The following SGCD variants were observed in gnomAD, a reference collection of about 807,000 sequenced individuals.
SGCD encodes sarcoglycan delta, also known as delta-sarcoglycan.
SGCD carries 18 observed loss-of-function variants against 36.6 expected under a neutral mutation model. The ratio of observed to expected loss-of-function variants is 0.49; its 90% CI spans 0.34 to 0.73. The LOEUF (loss-of-function observed/expected upper bound fraction) is 0.73, where lower values mean the gene tolerates loss of function less well. SGCD is among the 30% of genes least tolerant of loss of function. The probability of loss-of-function intolerance (pLI) is 0.01; values close to 1 mark genes in which losing one functional copy is unlikely to be tolerated. For synonymous variants in SGCD, 133 were observed against 130.6 expected, an observed-to-expected ratio of 1.02 and a Z score of -0.12; for missense variants, 387 against 346.7, an observed-to-expected ratio of 1.12 and a Z score of -0.92.
intron 4 of SGCD, among the ~76,000 whole-genome samples, chr5:156,544,667 A>G (rs1026585091): frequency 6.6e-6 from 1 of 152,062 alleles, no homozygotes; most frequent in Admixed American, 6.6e-5. Flanking sequence ...TCCCATAAAT[A>G]TGGGTATCGA....
chr5:156,383,911 T>C (rs1410340790), intron 3 of SGCD, among the ~76,000 whole-genome samples: 1 of 152,166 alleles, frequency 6.6e-6, no homozygotes, highest in Non-Finnish European at 1.5e-5. Flanking sequence ...CCAGAATCAT[T>C]TGAATATGGC....
chr5:155,831,514 T>A, the SGCD span, among the ~76,000 whole-genome samples: 2 of 152,244 alleles, frequency 1.3e-5, no homozygotes, highest in Non-Finnish European at 2.9e-5. Context: ...TGCTTTCCCT[T>A]TTCACTGAAA....
At chr5:155,730,444 G>GGTGTGTGTGTGTGTGT in the SGCD span, among the ~76,000 whole-genome samples, 1 of 23,678 alleles carries the variant, frequency 4.2e-5, no homozygotes, top group African/African-American at 1.5e-4. Flanking sequence ...AGGTAGAGCA[G>GGTGTGTGTGTGTGTGT]CTGTGTGTGT....
intron 1 of SGCD, among the ~76,000 whole-genome samples, chr5:155,938,056 A>C (rs1757245976): frequency 6.6e-6 from 1 of 152,240 alleles, no homozygotes; most frequent in Non-Finnish European, 1.5e-5. Flanking sequence ...GGTCACATAC[A>C]GACATGAACG....
At chr5:156,753,045 G>A (rs1053328057) in intron 7 of SGCD, among the ~76,000 whole-genome samples, 15 of 152,016 alleles carry the variant, frequency 9.9e-5, no homozygotes, top group African/African-American at 3.1e-4. Flanking sequence ...AGTGTGGCCC[G>A]CCGAAACAAG....
At chr5:155,992,898 G>C (rs1164021910) in intron 1 of SGCD, among the ~76,000 whole-genome samples, 1 of 152,098 alleles carries the variant, frequency 6.6e-6, no homozygotes, top group Non-Finnish European at 1.5e-5. Context: ...TCCTTCTATG[G>C]TTAGCAAACA....
chr5:155,944,318 G>A (rs904198177), intron 1 of SGCD, among the ~76,000 whole-genome samples: 2 of 152,164 alleles, frequency 1.3e-5, no homozygotes, highest in African/African-American at 4.8e-5. Context: ...GTATTACTTA[G>A]GCAAATCACA....
At chr5:156,404,161 A>G (rs1205973754) in intron 3 of SGCD, among the ~76,000 whole-genome samples, 1 of 152,088 alleles carries the variant, frequency 6.6e-6, no homozygotes, top group Non-Finnish European at 1.5e-5. Context: ...CACCCAGAAT[A>G]CTCAGAATTG....
At chr5:156,338,337 A>C (rs1004997441) in intron 2 of SGCD, among the ~76,000 whole-genome samples, 2 of 152,252 alleles carry the variant, frequency 1.3e-5, no homozygotes, top group Admixed American at 1.3e-4. Flanking sequence ...TGACCACTTC[A>C]ACGGTATTAG....
chr5:156,002,628 T>TA (rs1561678947), intron 1 of SGCD, among the ~76,000 whole-genome samples: 1 of 152,220 alleles, frequency 6.6e-6, no homozygotes, highest in Non-Finnish European at 1.5e-5. Context: ...GTGACTCCTC[T>TA]ATCCAACACA....
chr5:156,422,423 C>T (rs1773356573), intron 3 of SGCD, among the ~76,000 whole-genome samples: 1 of 151,900 alleles, frequency 6.6e-6, no homozygotes, highest in South Asian at 2.1e-4. Flanking sequence ...TCAAAGGATT[C>T]CTCTTTTGCT....
chr5:156,159,928 A>T lies in SGCD; in HGVS notation c.-44+35909A>T, dbSNP rs11955488. 6.1e-3 allele frequency among the ~76,000 whole-genome samples: 921 copies of T among 151,736 alleles called. 41 individuals carry two copies. Among genetic ancestry groups the T allele is most frequent in the African/African-American group, 0.021 (861 of 41,104 alleles). The stretch of plus-strand genomic sequence containing the variant: ...TTTTGGAAAGTGTTTTTGATTATCA[A>T]GAAAAGCTGACATATTTTTCTTAAG... On this transcript the variant is annotated intron_variant, in intron 3 of 9. Coordinates refer to the SGCD transcript ENST00000517913.
intron 2 of SGCD, among the ~76,000 whole-genome samples, chr5:156,118,928 A>G (rs905226713): frequency 1.3e-5 from 2 of 152,174 alleles, no homozygotes; most frequent in African/African-American, 4.8e-5. Context: ...TTCTAGTTAC[A>G]GTTGGACACC....
At chr5:156,588,357 A>G (rs975093434) in intron 4 of SGCD, among the ~76,000 whole-genome samples, 11 of 152,174 alleles carry the variant, frequency 7.2e-5, no homozygotes, top group African/African-American at 2.2e-4. Context: ...TATGAAATTT[A>G]GATGTCATTT....
intron 3 of SGCD, among the ~76,000 whole-genome samples, chr5:156,388,919 A>G (rs1771420678): frequency 6.6e-6 from 1 of 152,226 alleles, no homozygotes; most frequent in Non-Finnish European, 1.5e-5. Flanking sequence ...GGTTATTTGT[A>G]CAATCTACTA....
the SGCD span, among the ~76,000 whole-genome samples, chr5:155,851,155 A>T: frequency 6.6e-6 from 1 of 152,144 alleles, no homozygotes; most frequent in Non-Finnish European, 1.5e-5. Flanking sequence ...AGTCACACAT[A>T]TCAACTTAGG....
chr5:156,501,255 A>G (rs1756437773), intron 3 of SGCD, among the ~76,000 whole-genome samples: 1 of 152,160 alleles, frequency 6.6e-6, no homozygotes, highest in Admixed American at 6.5e-5. Context: ...AGTTCATTCA[A>G]TGAGATTCAA....
At chr5:156,118,643 G>C (rs571661705) in intron 2 of SGCD, among the ~76,000 whole-genome samples, 38 of 152,216 alleles carry the variant, frequency 2.5e-4, no homozygotes, top group Admixed American at 3.9e-4. Context: ...CCAGGTGCCG[G>C]GAAATTTCCT....
upstream of SGCD, among the ~76,000 whole-genome samples, chr5:156,325,854 C>A (rs1462273864): frequency 6.6e-6 from 1 of 152,132 alleles, no homozygotes; most frequent in Non-Finnish European, 1.5e-5. Flanking sequence ...CACACCGCCT[C>A]CCACCCCACT....
Sources: gnomAD v4.1 joint callset for allele counts (sites outside exome capture counted in the v4.1 genomes callset) on GRCh38, gnomAD v4.1.1 for gene constraint, MANE v1.5 for transcripts, NCBI Gene and HGNC (gene_info 2026-07-23, HGNC 2026-07-21) for gene names.